The following ARL8B variants were observed in gnomAD, a reference collection of about 807,000 sequenced individuals.
ARL8B encodes ARF like GTPase 8B, also known as ADP-ribosylation factor-like protein 8B.
A neutral mutation model predicts 30.6 loss-of-function variants in ARL8B; 9 were observed. That is an observed-to-expected ratio of 0.29 (90% CI 0.18 to 0.51). The LOEUF (loss-of-function observed/expected upper bound fraction) is 0.51, where lower values mean the gene tolerates loss of function less well. Ranked by LOEUF, ARL8B falls within the 20% of genes least tolerant of loss-of-function variation. The probability of loss-of-function intolerance (pLI) is 0.97; values close to 1 mark genes in which losing one functional copy is unlikely to be tolerated. For missense variants in ARL8B, 130 were observed against 227.2 expected (o/e 0.57, Z 2.75); for synonymous variants, 74 against 76.0 (o/e 0.97, Z 0.14).
At chr3:5,155,701 G>T (rs901676773) in intron 1 of ARL8B, among the ~76,000 whole-genome samples, 3 of 122,530 alleles carry the variant, frequency 2.4e-5, no homozygotes, top group South Asian at 5.2e-4. Context: ...ATCAGCCTTC[G>T]TGTTCCTCTA....
chr3:5,145,939 C>G (rs958098245), intron 1 of ARL8B, among the ~76,000 whole-genome samples: 1 of 152,088 alleles, frequency 6.6e-6, no homozygotes, highest in Admixed American at 6.6e-5. Flanking sequence ...TAGAGACTTG[C>G]AATCCCCTCT....
Position 5,174,003 on chromosome 3 carries a change from T to C in ARL8B, c.373-14T>C. 6.3e-7 allele frequency: 1 copy of C among 1,598,786 alleles called. No homozygotes were observed. The highest frequency in any genetic ancestry group is 8.6e-7 in the Non-Finnish European group (1 of 1,166,884). Reference sequence around the variant, plus strand: ...TGCATAAACGTGTGCTCTTAATATCTTTTCTTTTTAAAGGTGCTAGTGCTT... The same window carrying C: ...TGCATAAACGTGTGCTCTTAATATCCTTTCTTTTTAAAGGTGCTAGTGCTT... On this transcript the variant is annotated splice_polypyrimidine_tract_variant and intron_variant, in intron 4 of 6. Transcript: ENST00000256496.
At chr3:5,131,873 G>C (rs1290147373) in intron 1 of ARL8B, among the ~76,000 whole-genome samples, 2 of 151,668 alleles carry the variant, frequency 1.3e-5, no homozygotes, top group South Asian at 4.2e-4. Context: ...TTTATCCTTT[G>C]AATTTTTCTG....
intron 1 of ARL8B, among the ~76,000 whole-genome samples, chr3:5,139,657 G>A (rs2054355149): frequency 6.6e-6 from 1 of 152,152 alleles, no homozygotes; most frequent in African/African-American, 2.4e-5. Context: ...AGTAAGCAGT[G>A]GAGTTTATTT....
chr3:5,153,364 A>G (rs891144009), intron 1 of ARL8B, among the ~76,000 whole-genome samples: 1 of 152,080 alleles, frequency 6.6e-6, no homozygotes, highest in African/African-American at 2.4e-5. Context: ...ATCTTATGAG[A>G]TCTGATGGTT....
intron 6 of ARL8B, among the ~76,000 whole-genome samples, chr3:5,175,703 G>A (rs2054723792): frequency 6.6e-6 from 1 of 152,206 alleles, no homozygotes; most frequent in Admixed American, 6.5e-5. Flanking sequence ...TGTTCTCTCT[G>A]AAGGCTGTAG....
At chr3:5,134,750 T>C (rs1375493362) in intron 1 of ARL8B, among the ~76,000 whole-genome samples, 1 of 152,196 alleles carries the variant, frequency 6.6e-6, no homozygotes, top group African/African-American at 2.4e-5. Context: ...TTTAGAGCAG[T>C]CTAATAATGG....
At chr3:5,123,148 C>A (rs185985026) in intron 1 of ARL8B, among the ~76,000 whole-genome samples, 1 of 152,254 alleles carries the variant, frequency 6.6e-6, no homozygotes, top group East Asian at 1.9e-4. Flanking sequence ...TTCACCCGTC[C>A]CCCAGGCGCG....
intron 1 of ARL8B, among the ~76,000 whole-genome samples, chr3:5,148,747 G>A (rs188499019): frequency 2.6e-5 from 4 of 152,192 alleles, no homozygotes; most frequent in Admixed American, 6.5e-5. Flanking sequence ...AAAAAAGATC[G>A]AAGGCTTATG....
Position 5,131,337 on chromosome 3 carries a change from A to G in ARL8B, c.123+8749A>G, listed in dbSNP as rs139859775. On this transcript the variant is annotated intron_variant, in intron 1 of 6. Transcript: ENST00000256496. ...GAAACCTACATTTCTCTCCTTCATA[A>G]TTTAGCTATTTCGTTTCTAGCTTTT... 5.6e-3 allele frequency among the ~76,000 whole-genome samples: 846 copies of G among 152,126 alleles called. 7 individuals are homozygous for G. Among genetic ancestry groups the G allele is most frequent in the African/African-American group, 0.019 (787 of 41,514 alleles).
At chr3:5,138,514 G>A (rs2054346273) in intron 1 of ARL8B, among the ~76,000 whole-genome samples, 1 of 152,154 alleles carries the variant, frequency 6.6e-6, no homozygotes, top group African/African-American at 2.4e-5. Flanking sequence ...AGTAAAATGA[G>A]TAATGCTGAG....
At chr3:5,151,238 A>G (rs1200847381) in intron 1 of ARL8B, among the ~76,000 whole-genome samples, 2 of 151,940 alleles carry the variant, frequency 1.3e-5, no homozygotes, top group African/African-American at 2.4e-5. Context: ...AATTTCTTAA[A>G]TGGGGGGCTT....
chr3:5,168,714 C>A (rs565031970), intron 1 of ARL8B, among the ~76,000 whole-genome samples: 1 of 152,160 alleles, frequency 6.6e-6, no homozygotes, highest in Admixed American at 6.5e-5. Flanking sequence ...GATAAACTGA[C>A]CCAGAAACAT....
chr3:5,136,249 T>C (rs1469949041), intron 1 of ARL8B, among the ~76,000 whole-genome samples: 14 of 151,746 alleles, frequency 9.2e-5, no homozygotes, highest in Admixed American at 7.2e-4. Context: ...TAAGGCATTA[T>C]ATTATTCTTT....
intron 1 of ARL8B, among the ~76,000 whole-genome samples, chr3:5,128,040 T>G (rs1254054454): frequency 1.3e-5 from 2 of 149,188 alleles, no homozygotes; most frequent in African/African-American, 2.5e-5. Flanking sequence ...ATACAAAAAT[T>G]AGCCTGGCGT....
intron 1 of ARL8B, among the ~76,000 whole-genome samples, chr3:5,125,136 T>C (rs142410882): frequency 1.2e-3 from 180 of 152,322 alleles, no homozygotes; most frequent in Middle Eastern, 0.01. Flanking sequence ...TTTGAGTCCT[T>C]ACTTTCCCAT....
rs544864702 is a variant in ARL8B, at chr3:5,135,058, A to G, written c.123+12470A>G. On this transcript the variant is annotated intron_variant, in intron 1 of 6. Coordinates refer to ENST00000256496, the MANE Select transcript of ARL8B (RefSeq NM_018184.3). Reference sequence around the variant, plus strand: ...GACACAGGGTTTCGCCATGTTGGCCAGGCTGGTTTCAAACTCTTGACCTCA... The same window carrying G: ...GACACAGGGTTTCGCCATGTTGGCCGGGCTGGTTTCAAACTCTTGACCTCA... Among the ~76,000 whole-genome samples the G allele has an allele frequency of 8.7e-4, 132 of 152,280 alleles. 1 individual carries two copies. The highest frequency in any genetic ancestry group is 3.1e-3 in the African/African-American group (130 of 41,558).
intron 1 of ARL8B, among the ~76,000 whole-genome samples, chr3:5,166,446 G>C (rs1389859788): frequency 6.7e-6 from 1 of 149,102 alleles, no homozygotes; most frequent in Non-Finnish European, 1.5e-5. Context: ...GGGTTCAAGC[G>C]ATTGCATCAG....
At chr3:5,157,901 A>G (rs2054546367) in intron 1 of ARL8B, 2 of 152,116 alleles carry the variant, frequency 1.3e-5, no homozygotes, top group Admixed American at 6.5e-5. Flanking sequence ...CACCAGATAG[A>G]TTGTGCTTCA....
Sources: gnomAD v4.1 joint callset for allele counts (sites outside exome capture counted in the v4.1 genomes callset) on GRCh38, gnomAD v4.1.1 for gene constraint, MANE v1.5 for transcripts, NCBI Gene and HGNC (gene_info 2026-07-23, HGNC 2026-07-21) for gene names.